Variants in CHST3 observed in about 807,000 individuals in gnomAD.
CHST3 encodes the protein C6ST-1.
A neutral mutation model predicts 35.4 loss-of-function variants in CHST3; 20 were observed. The observed-to-expected ratio is 0.57, with a 90% CI of 0.40 to 0.82. The LOEUF (loss-of-function observed/expected upper bound fraction) is 0.82. Ranked by LOEUF, CHST3 falls within the 40% of genes least tolerant of loss-of-function variation. CHST3 has a pLI of 0.00. For missense variants in CHST3, 693 were observed against 670.1 expected (o/e 1.03, Z -0.38); for synonymous variants, 334 against 295.9 (o/e 1.13, Z -1.32).
At chr10:71,974,066 T>G (rs977437863) in intron 1 of CHST3, among the ~76,000 whole-genome samples, 1 of 152,184 alleles carries the variant, frequency 6.6e-6, no homozygotes. Context: ...ACCCCCCACA[T>G]GGGGAAGACA....
intron 1 of CHST3, among the ~76,000 whole-genome samples, chr10:71,994,781 C>T (rs879679797): frequency 2.6e-5 from 4 of 152,232 alleles, no homozygotes; most frequent in Non-Finnish European, 5.9e-5. Flanking sequence ...TAGCCACCTT[C>T]GTCAGTGATC....
Position 72,012,067 on chromosome 10 carries a change from G to A in CHST3, c.*3596G>A, listed in dbSNP as rs1840116223. ...TGCACTTGAAAATAAACAGAAAAGAGATGTTTAATAACAAGTTTACTTCCG... is the reference window on the plus strand; with the variant it reads ...TGCACTTGAAAATAAACAGAAAAGAAATGTTTAATAACAAGTTTACTTCCG... On this transcript the variant is annotated 3_prime_UTR_variant, in exon 3 of 3. Transcript: ENST00000373115. 1 of 152,222 alleles carries A rather than the reference G, an allele frequency of 6.6e-6. No individual in the cohort carries two copies. Among genetic ancestry groups the A allele is most frequent in the Admixed American group, 6.5e-5 (1 of 15,278 alleles). 9.4% of individuals were successfully genotyped at this position (152,222 alleles called of 1,614,324 possible). A position where few individuals can be genotyped will look rare whatever the true frequency, so the allele number is the denominator to read the frequency against.
At chr10:72,006,082 C>A in intron 2 of CHST3, 100 bp downstream of exon 2, 1 of 1,467,886 alleles carries the variant, frequency 6.8e-7, no homozygotes, top group Non-Finnish European at 9.5e-7. Flanking sequence ...CAAATGCATT[C>A]CTTCAACGAG....
At chr10:71,975,301 A>G (rs1220631750) in intron 1 of CHST3, among the ~76,000 whole-genome samples, 1 of 152,210 alleles carries the variant, frequency 6.6e-6, no homozygotes, top group East Asian at 1.9e-4. Flanking sequence ...AGGTTAGGCA[A>G]CTTGTCCAAG....
At chr10:71,983,456 T>C (rs1839819404) in intron 1 of CHST3, among the ~76,000 whole-genome samples, 1 of 151,972 alleles carries the variant, frequency 6.6e-6, no homozygotes, top group African/African-American at 2.4e-5. Context: ...TTTGGGACCA[T>C]GCCTTTTTTT....
intron 1 of CHST3, among the ~76,000 whole-genome samples, chr10:71,980,609 C>T (rs970593148): frequency 4.6e-5 from 7 of 152,188 alleles, no homozygotes; most frequent in African/African-American, 1.7e-4. Flanking sequence ...TCCTGAGGTT[C>T]TGAGTCATTA....
rs11000129 is a variant in CHST3 at position 72,006,015 on chromosome 10, T to A, written c.140+33T>A. On this transcript the variant is annotated intron_variant, in intron 2 of 2. Transcript: ENST00000373115. Reference sequence around the variant, plus strand: ...TTGCAAGCCCAAGTCTTCATCTTCCTTTCAAGGTGGGGTGGGTGGGGACAG... The same window carrying A: ...TTGCAAGCCCAAGTCTTCATCTTCCATTCAAGGTGGGGTGGGTGGGGACAG... 3.8e-6 allele frequency: 6 copies of A among 1,587,174 alleles called. No individual in the cohort carries two copies. The African/African-American group carries it at 4.0e-5, about 11-fold the overall frequency.
rs971760727 is a variant in CHST3, at chr10:72,009,944, G to C, written c.*1473G>C. 6.5e-6 allele frequency: 1 copy of C among 153,158 alleles called. No homozygotes were observed. The highest frequency in any genetic ancestry group is 6.5e-5 in the Admixed American group (1 of 15,292). 9.5% of individuals were successfully genotyped at this position (153,158 alleles called of 1,614,324 possible). A position where few individuals can be genotyped will look rare whatever the true frequency, so the allele number is the denominator to read the frequency against. On this transcript the variant is annotated 3_prime_UTR_variant, in exon 3 of 3. Coordinates refer to ENST00000373115, the MANE Select transcript of CHST3 (RefSeq NM_004273.5). ...AGCAGGGAGCACTTGGCTCCTGGCA[G>C]AGGGAGAGGACAGGAGGAGGAGCCT...
intron 1 of CHST3, among the ~76,000 whole-genome samples, chr10:71,990,028 A>G (rs1288082041): frequency 6.6e-6 from 1 of 152,168 alleles, no homozygotes; most frequent in African/African-American, 2.4e-5. Flanking sequence ...CATTAATGTC[A>G]TGGTTAGCCT....
chr10:72,010,820 A>T lies in CHST3; in HGVS notation c.*2349A>T, dbSNP rs4148948. ...CCTCTGTTCCCCATGTGGAGGTCGG[A>T]GGGGCTGGGACTGGGGAGGGGGCAG... On this transcript the variant is annotated 3_prime_UTR_variant, in exon 3 of 3. Coordinates refer to ENST00000373115, the MANE Select transcript of CHST3 (RefSeq NM_004273.5). 26 of 152,000 alleles carry T rather than the reference A, an allele frequency of 1.7e-4. No homozygotes were observed. The highest frequency in any genetic ancestry group is 4.8e-4 in the African/African-American group (20 of 41,444). The allele number at this position is 152,000 out of a possible 1,614,324, so 9.4% of individuals were successfully genotyped here.
Position 72,008,155 on chromosome 10 carries a change from C to T in CHST3, c.1124C>T (p.Ala375Val). 3.2e-6 allele frequency: 5 copies of T among 1,548,616 alleles called. No individual in the cohort carries two copies. Among genetic ancestry groups the T allele is most frequent in the Non-Finnish European group, 4.4e-6 (5 of 1,146,474 alleles). Residue 375 changes from alanine to valine, a missense_variant, in exon 3 of 3, where the codon GCA becomes GTA. By Grantham distance (64) the Ala-to-Val change is moderately conservative (BLOSUM62 0). Coordinates refer to ENST00000373115, the MANE Select transcript of CHST3 (RefSeq NM_004273.5). ...ATGCTGGTGCGCTACGAGGACGTGG[C>T]ACGCGGGCCGCTGCAGAAGGCCCGC... ...RYMLVRYEDVARGPLQKAREM... is the reference protein window; with the variant it reads ...RYMLVRYEDVVRGPLQKAREM...
chr10:71,985,701 A>G (rs1839841582), intron 1 of CHST3, among the ~76,000 whole-genome samples: 1 of 152,154 alleles, frequency 6.6e-6, no homozygotes, highest in Non-Finnish European at 1.5e-5. Context: ...TCATTTTGAC[A>G]TAACAGTAGA....
intron 1 of CHST3, among the ~76,000 whole-genome samples, chr10:71,992,506 A>G (rs1267529665): frequency 6.6e-6 from 1 of 151,768 alleles, no homozygotes; most frequent in African/African-American, 2.4e-5. Context: ...TAACACAACA[A>G]TAAAGTTTGC....
intron 1 of CHST3, among the ~76,000 whole-genome samples, chr10:71,980,429 A>T (rs991967976): frequency 6.6e-6 from 1 of 151,786 alleles, no homozygotes; most frequent in Non-Finnish European, 1.5e-5. Flanking sequence ...GATATTTTCT[A>T]ATCTACACAA....
intron 1 of CHST3, among the ~76,000 whole-genome samples, chr10:71,998,541 C>G (rs1839962841): frequency 1.3e-5 from 2 of 152,222 alleles, no homozygotes; most frequent in Non-Finnish European, 2.9e-5. Context: ...TGGAAGGGAT[C>G]GTATCCAATG....
intron 1 of CHST3, among the ~76,000 whole-genome samples, chr10:71,995,479 G>T (rs1200086637): frequency 1.3e-4 from 20 of 151,300 alleles, no homozygotes. Context: ...CTAACTGTTT[G>T]GTGCAAGAGG....
intron 2 of CHST3, 66 bp from the exon 3 acceptor site, chr10:72,007,106 C>A: frequency 6.4e-7 from 1 of 1,569,884 alleles, no homozygotes; most frequent in Non-Finnish European, 8.7e-7. Flanking sequence ...TGGAGGACTG[C>A]TTAGGGTTGC....
chr10:71,992,845 A>G (rs148209190), intron 1 of CHST3, among the ~76,000 whole-genome samples: 418 of 138,822 alleles, frequency 3.0e-3, no homozygotes, highest in East Asian at 0.014. Context: ...TATTTTTAGT[A>G]GAGGCAGGGT....
Position 72,011,188 on chromosome 10 carries a change from C to A in CHST3, c.*2717C>A, listed in dbSNP as rs555301573. ...AACACAAGAGGAGAATGAGCTGGAG[C>A]GCCAGCACCACGATGGCCCCAGGAC... is the stretch of plus-strand genomic sequence containing the variant. On this transcript the variant is annotated 3_prime_UTR_variant, in exon 3 of 3. Coordinates refer to ENST00000373115, the MANE Select transcript of CHST3 (RefSeq NM_004273.5). The A allele has an allele frequency of 6.6e-6, 1 of 152,180 alleles. No individual in the cohort carries two copies. The highest frequency in any genetic ancestry group is 1.5e-5 in the Non-Finnish European group (1 of 68,032). 9.4% of individuals were successfully genotyped at this position (152,180 alleles called of 1,614,324 possible). A position where few individuals can be genotyped will look rare whatever the true frequency, so the allele number is the denominator to read the frequency against.
Sources: gnomAD v4.1 joint callset for allele counts (sites outside exome capture counted in the v4.1 genomes callset) on GRCh38, gnomAD v4.1.1 for gene constraint, MANE v1.5 for transcripts, NCBI Gene and HGNC (gene_info 2026-07-23, HGNC 2026-07-21) for gene names.